UGT1A10: variants seen among roughly 807,000 people sequenced by gnomAD.
UGT1A10 encodes the protein UDP glucuronosyltransferase family 1 member A10.
UGT1A10 carries 49 observed loss-of-function variants against 45.8 expected under a neutral mutation model. The observed-to-expected ratio is 1.07, with a 90% confidence interval of 0.85 to 1.36. The LOEUF is 1.36. UGT1A10 is among the 40% of genes most tolerant of loss of function. The pLI, the probability that UGT1A10 is intolerant of heterozygous loss-of-function variation, is 0.00. For synonymous variants in UGT1A10, 284 were observed against 249.7 expected, an observed-to-expected ratio of 1.14 and a Z score of -1.29; for missense variants, 745 against 668.6, an observed-to-expected ratio of 1.11 and a Z score of -1.26.
chr2:233,724,474 C>G, intron 1 of UGT1A10, among the ~76,000 whole-genome samples: 1 of 78,814 alleles, frequency 1.3e-5, no homozygotes, highest in East Asian at 2.8e-4. Flanking sequence ...GGGCTCCTCA[C>G]TTCTCAGACG....
chr2:233,751,853 G>A (rs1265924436), intron 1 of UGT1A10, among the ~76,000 whole-genome samples: 1 of 152,032 alleles, frequency 6.6e-6, no homozygotes, highest in Admixed American at 6.5e-5. Context: ...TTAAACCTTT[G>A]TCTTTTATAA....
chr2:233,643,269 T>G (rs1301760102), intron 1 of UGT1A10, among the ~76,000 whole-genome samples: 1 of 152,170 alleles, frequency 6.6e-6, no homozygotes, highest in Non-Finnish European at 1.5e-5. Flanking sequence ...AACCACAAGA[T>G]GCAGTCCTTC....
chr2:233,750,143 G>C (rs1694374277), intron 1 of UGT1A10, among the ~76,000 whole-genome samples: 1 of 151,908 alleles, frequency 6.6e-6, no homozygotes, highest in Admixed American at 6.5e-5. Context: ...GAACTTCCTA[G>C]AGACTTGTTG....
At chr2:233,761,124 C>G (rs1406825274) in intron 1 of UGT1A10, 1 of 1,614,202 alleles carries the variant, frequency 6.2e-7, no homozygotes. Flanking sequence ...GTGGAATCAA[C>G]TGCCTTCACC....
At chr2:233,713,685 G>A (rs1039930586) in intron 1 of UGT1A10, 1 of 1,613,934 alleles carries the variant, frequency 6.2e-7, no homozygotes, top group South Asian at 1.1e-5. Flanking sequence ...TGCTCCTTAT[G>A]CAAGCCTTGC....
chr2:233,772,468 T>C lies in UGT1A10; in HGVS notation c.1502T>C (p.Phe501Ser). ...TTGGCCGTCGTGCTGACAGTGGCCTTCATCACCTTTAAATGTTGTGCTTAT... is the reference window on the plus strand; with the variant it reads ...TTGGCCGTCGTGCTGACAGTGGCCTCCATCACCTTTAAATGTTGTGCTTAT... ...FLLAVVLTVA[F>S]ITFKCCAYGY... The change falls in exon 5 of 5, where the codon TTC becomes TCC. Residue 501 changes from phenylalanine to serine, a missense_variant. Coordinates refer to ENST00000344644, the MANE Select transcript of UGT1A10 (RefSeq NM_019075.4). 1 of 1,614,162 alleles carries C rather than the reference T, an allele frequency of 6.2e-7. No individual in the cohort carries two copies. Among genetic ancestry groups the C allele is most frequent in the South Asian group, 1.1e-5 (1 of 91,082 alleles).
intron 1 of UGT1A10, among the ~76,000 whole-genome samples, chr2:233,762,717 G>GTT (rs34681509): frequency 7.1e-6 from 1 of 141,156 alleles, no homozygotes; most frequent in African/African-American, 2.6e-5. Context: ...ATTTTACACG[G>GTT]TTTTTTTTTT....
At chr2:233,750,488 T>A (rs1694469780) in intron 1 of UGT1A10, 1 of 151,920 alleles carries the variant, frequency 6.6e-6, no homozygotes, top group African/African-American at 2.4e-5. Context: ...TTTGCATAAG[T>A]AAGGAGGAGC....
Position 233,683,988 on chromosome 2 carries a change from C to T in UGT1A10, c.855+46611C>T, listed in dbSNP as rs28898568. Reference sequence around the variant, plus strand: ...TTTGGTCACTTGCAATTGAAAAAGTCGTGACAAATACAAGAGTAAGATTCT... The same window carrying T: ...TTTGGTCACTTGCAATTGAAAAAGTTGTGACAAATACAAGAGTAAGATTCT... On this transcript the variant is annotated intron_variant, in intron 1 of 4. Coordinates refer to ENST00000344644, the MANE Select transcript of UGT1A10 (RefSeq NM_019075.4). 7.1e-3 allele frequency among the ~76,000 whole-genome samples: 1,081 copies of T among 152,236 alleles called. 36 individuals are homozygous for T. In the East Asian group the frequency reaches 0.13, roughly 18 times the overall value.
intron 1 of UGT1A10, among the ~76,000 whole-genome samples, chr2:233,675,321 T>C (rs746332886): frequency 2.0e-5 from 3 of 152,174 alleles, no homozygotes; most frequent in Non-Finnish European, 4.4e-5. Flanking sequence ...TGTTGATTAA[T>C]GATGTGTAAA....
intron 1 of UGT1A10, among the ~76,000 whole-genome samples, chr2:233,711,938 G>C (rs1180593494): frequency 1.3e-5 from 2 of 152,202 alleles, no homozygotes; most frequent in African/African-American, 4.8e-5. Context: ...CATTAGAAAG[G>C]CACACGTTTA....
At chr2:233,689,219 G>T (rs1274133852) in intron 1 of UGT1A10, among the ~76,000 whole-genome samples, 2 of 152,150 alleles carry the variant, frequency 1.3e-5, no homozygotes, top group African/African-American at 4.8e-5. Context: ...ATACTTACCT[G>T]CACTTCCCTA....
chr2:233,745,788 G>T (rs1003270220), intron 1 of UGT1A10, among the ~76,000 whole-genome samples: 2 of 150,764 alleles, frequency 1.3e-5, no homozygotes, highest in African/African-American at 4.9e-5. Flanking sequence ...AGACAGGGGG[G>T]CTGGGGTCTA....
intron 1 of UGT1A10, chr2:233,753,428 T>C (rs1420824589): frequency 6.6e-6 from 1 of 152,236 alleles, no homozygotes; most frequent in East Asian, 1.9e-4. Context: ...ACAGTATTTG[T>C]TGGTTAATGA....
chr2:233,737,953 A>T (rs1429614905), intron 1 of UGT1A10, among the ~76,000 whole-genome samples: 2 of 152,112 alleles, frequency 1.3e-5, no homozygotes, highest in Non-Finnish European at 2.9e-5. Context: ...GTTTCCCAAC[A>T]TGAGGTCACA....
At chr2:233,658,354 T>C (rs1401332327) in intron 1 of UGT1A10, among the ~76,000 whole-genome samples, 1 of 152,172 alleles carries the variant, frequency 6.6e-6, no homozygotes, top group Non-Finnish European at 1.5e-5. Context: ...CTATAGCATA[T>C]TATCACAACT....
intron 1 of UGT1A10, chr2:233,713,808 A>T: frequency 6.2e-7 from 1 of 1,614,048 alleles, no homozygotes; most frequent in African/African-American, 1.3e-5. Flanking sequence ...CATGCCCAAC[A>T]TGGTCTTCAT....
intron 1 of UGT1A10, among the ~76,000 whole-genome samples, chr2:233,764,942 G>A (rs12479045): frequency 6.6e-5 from 10 of 152,198 alleles, no homozygotes; most frequent in African/African-American, 1.9e-4. Flanking sequence ...TGAGAGTGGC[G>A]GGGAGAGAGG....
chr2:233,695,150 A>G (rs1323101502), intron 1 of UGT1A10, among the ~76,000 whole-genome samples: 1 of 73,630 alleles, frequency 1.4e-5, no homozygotes, highest in African/African-American at 5.6e-5. Flanking sequence ...TTTTTGAGAC[A>G]GAGTCTCACT....
Sources: allele counts gnomAD v4.1 joint callset (sites outside exome capture counted in the v4.1 genomes callset), GRCh38; gene constraint gnomAD v4.1.1; transcripts MANE v1.5; gene names NCBI Gene and HGNC (gene_info 2026-07-23, HGNC 2026-07-21).